Variants in ANKS1B observed in about 807,000 individuals in gnomAD.
The protein encoded by ANKS1B is ankyrin repeat and sterile alpha motif domain containing 1B, also known as ankyrin repeat and sterile alpha motif domain-containing protein 1B.
ANKS1B carries 36 observed loss-of-function variants against 148.3 expected under a neutral mutation model. The observed-to-expected ratio is 0.24, with a 90% CI of 0.19 to 0.32. The LOEUF is 0.32. Among genes scored for constraint, ANKS1B ranks in the 10% least tolerant of loss-of-function variants. ANKS1B has a pLI of 1.00. For missense variants in ANKS1B, 1,157 were observed against 1,542.6 expected (o/e 0.75, Z 4.19); for synonymous variants, 542 against 560.8 (o/e 0.97, Z 0.47).
Position 99,560,199 on chromosome 12 carries a change from G to A in ANKS1B, c.1273-55558C>T, listed in dbSNP as rs151076018. Among the ~76,000 whole-genome samples, 30 of 152,118 alleles carry A rather than the reference G, an allele frequency of 2.0e-4. No individual in the cohort carries two copies. The East Asian group carries it at 5.8e-3, about 29-fold the overall frequency. On this transcript the variant is annotated intron_variant, in intron 9 of 26. Coordinates refer to ENST00000683438, the MANE Select transcript of ANKS1B (RefSeq NM_001352186.2). ...GATCTCTAATTGACTGTAAAGTTATGGTGAGTTCTAGTTGCTTATTTTCTT... is the reference window on the plus strand; with the variant it reads ...GATCTCTAATTGACTGTAAAGTTATAGTGAGTTCTAGTTGCTTATTTTCTT...
At chr12:98,894,094 C>G (rs540042205) in intron 17 of ANKS1B, among the ~76,000 whole-genome samples, 22 of 152,288 alleles carry the variant, frequency 1.4e-4, no homozygotes, top group Middle Eastern at 3.4e-3. Context: ...AAAGTCCATG[C>G]CCACGTCCCC....
intron 5 of ANKS1B, among the ~76,000 whole-genome samples, chr12:99,780,515 C>T (rs1002055161): frequency 1.3e-5 from 2 of 151,986 alleles, no homozygotes; most frequent in African/African-American, 4.8e-5. Context: ...ATATCCTGAC[C>T]TCGTGATCTG....
chr12:99,498,714 T>C (rs1236658067), intron 10 of ANKS1B, among the ~76,000 whole-genome samples: 1 of 152,208 alleles, frequency 6.6e-6, no homozygotes, highest in Non-Finnish European at 1.5e-5. Flanking sequence ...GCTTATTGAA[T>C]GGATCAGAAC....
intron 10 of ANKS1B, among the ~76,000 whole-genome samples, chr12:99,489,315 C>T (rs2152960716): frequency 6.6e-6 from 1 of 151,136 alleles, no homozygotes; most frequent in East Asian, 1.9e-4. Flanking sequence ...AAACTATGCA[C>T]AGCAAAGAAA....
At chr12:99,621,726 C>A (rs1046559118) in intron 9 of ANKS1B, among the ~76,000 whole-genome samples, 2 of 151,992 alleles carry the variant, frequency 1.3e-5, no homozygotes, top group African/African-American at 4.8e-5. Flanking sequence ...TATATACACA[C>A]CCAACATTGA....
rs766660022 is a variant in ANKS1B, at chr12:98,819,700, C to T, written c.3066+9474G>A. On this transcript the variant is annotated intron_variant, in intron 19 of 26. Transcript: ENST00000683438. Reference sequence around the variant, plus strand: ...ATCAATTAAGAGATGGGACTACATACATTTTCTGGCCCCTTCTCATCTTAA... The same window carrying T: ...ATCAATTAAGAGATGGGACTACATATATTTTCTGGCCCCTTCTCATCTTAA... 3.9e-5 allele frequency among the ~76,000 whole-genome samples: 6 copies of T among 152,160 alleles called. No individual in the cohort carries two copies. In the South Asian group the frequency reaches 1.0e-3, roughly 26 times the overall value.
At chr12:98,783,664 A>G (rs1470591594) in intron 22 of ANKS1B, among the ~76,000 whole-genome samples, 1 of 152,212 alleles carries the variant, frequency 6.6e-6, no homozygotes, top group Non-Finnish European at 1.5e-5. Flanking sequence ...AGGCTGTTTT[A>G]GCAACAGAAC....
chr12:99,109,540 C>T (rs143994837), intron 15 of ANKS1B, among the ~76,000 whole-genome samples: 2 of 152,256 alleles, frequency 1.3e-5, no homozygotes, highest in Non-Finnish European at 2.9e-5. Context: ...AGAATAATTT[C>T]TTCACCCTCA....
rs141412846 is a variant in ANKS1B, at chr12:99,002,739, A to G, written c.2778+50418T>C. Reference sequence around the variant, plus strand: ...AGTTCCTTGTATATTTCAGAAATTAACCCCTTCTCCATTACATAGTTTGCA... The same window carrying G: ...AGTTCCTTGTATATTTCAGAAATTAGCCCCTTCTCCATTACATAGTTTGCA... On this transcript the variant is annotated intron_variant, in intron 17 of 26. Transcript: ENST00000683438. 1.2e-4 allele frequency among the ~76,000 whole-genome samples: 19 copies of G among 152,080 alleles called. No homozygotes were observed. In the East Asian group the frequency reaches 3.7e-3, roughly 29 times the overall value.
intron 14 of ANKS1B, among the ~76,000 whole-genome samples, chr12:99,202,398 C>A (rs903232734): frequency 1.3e-5 from 2 of 152,184 alleles, no homozygotes; most frequent in Non-Finnish European, 2.9e-5. Context: ...CACACATTGG[C>A]TACTTCACAG....
At chr12:99,639,675 T>A (rs1475908171) in intron 9 of ANKS1B, among the ~76,000 whole-genome samples, 1 of 152,048 alleles carries the variant, frequency 6.6e-6, no homozygotes, top group Non-Finnish European at 1.5e-5. Flanking sequence ...AAGGGGCATT[T>A]CCCCCTTTGC....
intron 1 of ANKS1B, among the ~76,000 whole-genome samples, chr12:99,955,577 C>T (rs2095310144): frequency 6.8e-6 from 1 of 147,112 alleles, no homozygotes; most frequent in South Asian, 2.2e-4. Context: ...TCTCTTCTTC[C>T]TGCAGTCACC....
At chr12:99,515,921 G>C (rs930065829) in intron 9 of ANKS1B, among the ~76,000 whole-genome samples, 14 of 152,104 alleles carry the variant, frequency 9.2e-5, no homozygotes, top group Non-Finnish European at 1.5e-5. Flanking sequence ...CAGTGATGCT[G>C]AGCACCTTTT....
At chr12:98,895,244 C>G (rs1596465700) in intron 17 of ANKS1B, 6 of 985,494 alleles carry the variant, frequency 6.1e-6, no homozygotes, top group Non-Finnish European at 7.2e-6. Flanking sequence ...CCTCCTGGCT[C>G]CCAGGCACTC....
At chr12:99,876,866 A>T (rs535429128) in intron 1 of ANKS1B, among the ~76,000 whole-genome samples, 5 of 152,206 alleles carry the variant, frequency 3.3e-5, no homozygotes, top group Non-Finnish European at 5.9e-5. Flanking sequence ...AAAGTAATAC[A>T]TGCACATAGT....
chr12:99,117,882 A>G (rs1186872062), intron 15 of ANKS1B, among the ~76,000 whole-genome samples: 3 of 152,156 alleles, frequency 2.0e-5, no homozygotes, highest in Non-Finnish European at 2.9e-5. Context: ...AGAAATTGTT[A>G]TTGGTCTATT....
intron 14 of ANKS1B, among the ~76,000 whole-genome samples, chr12:99,205,260 T>C (rs1211448674): frequency 6.6e-6 from 1 of 152,244 alleles, no homozygotes; most frequent in Non-Finnish European, 1.5e-5. Context: ...AAAGTAACAT[T>C]TAAACAATCA....
intron 9 of ANKS1B, among the ~76,000 whole-genome samples, chr12:99,548,682 T>C (rs146476039): frequency 5.2e-4 from 79 of 152,192 alleles, no homozygotes; most frequent in African/African-American, 1.8e-3. Context: ...TAGTAGAAAT[T>C]TGAAAAAGAA....
chr12:99,521,726 A>ATCTCTCTC (rs202020332), intron 9 of ANKS1B, among the ~76,000 whole-genome samples: 1,835 of 150,662 alleles, frequency 0.012, 49 homozygotes, highest in African/African-American at 0.043. Context: ...CTCTCTCTCA[A>ATCTCTCTC]TCTCTCGCTC....
Sources: allele counts gnomAD v4.1 joint callset (sites outside exome capture counted in the v4.1 genomes callset), GRCh38; gene constraint gnomAD v4.1.1; transcripts MANE v1.5; gene names NCBI Gene and HGNC (gene_info 2026-07-23, HGNC 2026-07-21).